SDHAF3: variants seen among roughly 807,000 people sequenced by gnomAD.
SDHAF3 encodes the protein succinate dehydrogenase assembly factor 3, mitochondrial.
Under a neutral mutation model 11.5 loss-of-function variants are expected in SDHAF3, and 18 were observed. The ratio of observed to expected loss-of-function variants is 1.56; its 90% CI spans 1.08 to 2.32. The LOEUF (loss-of-function observed/expected upper bound fraction) is 2.32, where lower values mean the gene tolerates loss of function less well. Ranked by LOEUF, SDHAF3 falls within the 30% of genes most tolerant of loss-of-function variation. The pLI is 0.00. For missense variants in SDHAF3, 200 were observed against 154.4 expected, an observed-to-expected ratio of 1.30 and a Z score of -1.57; for synonymous variants, 72 against 59.3, an observed-to-expected ratio of 1.21 and a Z score of -0.99.
chr7:97,161,490 T>C (rs1400983969), intron 1 of SDHAF3, among the ~76,000 whole-genome samples: 4 of 152,200 alleles, frequency 2.6e-5, no homozygotes, highest in Admixed American at 6.5e-5. Context: ...ATGTGCAGTT[T>C]TGTTACATAG....
chr7:97,120,006 A>G (rs547228421), intron 1 of SDHAF3, among the ~76,000 whole-genome samples: 2 of 152,128 alleles, frequency 1.3e-5, no homozygotes, highest in East Asian at 1.9e-4. Flanking sequence ...TGGTGTCTCT[A>G]CTGTAAACTT....
chr7:97,163,851 G>A (rs566241126), intron 1 of SDHAF3, among the ~76,000 whole-genome samples: 1 of 152,070 alleles, frequency 6.6e-6, no homozygotes, highest in East Asian at 1.9e-4. Context: ...AGGCCTGGTG[G>A]TGACAAAATC....
chr7:97,126,112 G>T (rs1456258119), intron 1 of SDHAF3, among the ~76,000 whole-genome samples: 3 of 152,176 alleles, frequency 2.0e-5, no homozygotes, highest in Non-Finnish European at 4.4e-5. Flanking sequence ...CTATTTGCCT[G>T]GGTATTACCA....
intron 1 of SDHAF3, among the ~76,000 whole-genome samples, chr7:97,145,970 A>G (rs1024199099): frequency 3.9e-5 from 6 of 152,134 alleles, no homozygotes; most frequent in African/African-American, 9.7e-5. Flanking sequence ...TTACTACAAT[A>G]AAATATATTT....
At chr7:97,123,730 A>G (rs1032422211) in intron 1 of SDHAF3, among the ~76,000 whole-genome samples, 1 of 148,244 alleles carries the variant, frequency 6.7e-6, no homozygotes, top group Admixed American at 6.7e-5. Context: ...TTTGATTTAC[A>G]TTTCTCTAAT....
chr7:97,147,057 G>A (rs1033178958), intron 1 of SDHAF3, among the ~76,000 whole-genome samples: 1 of 152,066 alleles, frequency 6.6e-6, no homozygotes, highest in African/African-American at 2.4e-5. Flanking sequence ...TACTCTTATT[G>A]TCTCCATTTA....
intron 1 of SDHAF3, among the ~76,000 whole-genome samples, chr7:97,175,223 A>G (rs538664613): frequency 8.5e-5 from 13 of 152,220 alleles, no homozygotes; most frequent in Non-Finnish European, 1.6e-4. Flanking sequence ...AAGTAATTTA[A>G]GATAATTTAT....
intron 1 of SDHAF3, among the ~76,000 whole-genome samples, chr7:97,156,541 T>C (rs1789303525): frequency 6.6e-6 from 1 of 152,176 alleles, no homozygotes; most frequent in African/African-American, 2.4e-5. Context: ...GTTAGTTTAA[T>C]TAAACTAGAT....
chr7:97,121,116 A>G (rs1007863955), intron 1 of SDHAF3, among the ~76,000 whole-genome samples: 1 of 152,360 alleles, frequency 6.6e-6, no homozygotes, highest in African/African-American at 2.4e-5. Context: ...TAAAATGTGC[A>G]TTGTAATCTC....
chr7:97,161,179 G>C (rs1789404307), intron 1 of SDHAF3, among the ~76,000 whole-genome samples: 1 of 152,168 alleles, frequency 6.6e-6, no homozygotes, highest in South Asian at 2.1e-4. Context: ...TATTTTGCCT[G>C]TCTGTAGGCT....
intron 1 of SDHAF3, among the ~76,000 whole-genome samples, chr7:97,148,008 A>G (rs1252614915): frequency 1.3e-5 from 2 of 151,906 alleles, no homozygotes; most frequent in Non-Finnish European, 2.9e-5. Context: ...GGTTCAAGCA[A>G]TTCTCATACC....
intron 1 of SDHAF3, among the ~76,000 whole-genome samples, chr7:97,149,066 A>T (rs752393599): frequency 1.1e-4 from 17 of 151,882 alleles, no homozygotes; most frequent in Admixed American, 7.9e-4. Flanking sequence ...AGTAGCTGGG[A>T]CTACAGGCGT....
At chr7:97,135,181 G>C (rs1289684098) in intron 1 of SDHAF3, 1 of 151,782 alleles carries the variant, frequency 6.6e-6, no homozygotes, top group Non-Finnish European at 1.5e-5. Flanking sequence ...ATTATTGTAA[G>C]GCTGCTTTTT....
chr7:97,141,264 G>T (rs1438438214), intron 1 of SDHAF3, among the ~76,000 whole-genome samples: 1 of 152,086 alleles, frequency 6.6e-6, no homozygotes, highest in African/African-American at 2.4e-5. Flanking sequence ...CCAGTTCTGT[G>T]GTCCTGTGAT....
chr7:97,173,085 T>C (rs958441949), intron 1 of SDHAF3, among the ~76,000 whole-genome samples: 1 of 152,184 alleles, frequency 6.6e-6, no homozygotes, highest in Non-Finnish European at 1.5e-5. Context: ...CATGCTCCTG[T>C]AAGAATCTAA....
intron 1 of SDHAF3, among the ~76,000 whole-genome samples, chr7:97,179,899 T>C (rs1187022138): frequency 6.6e-6 from 1 of 152,254 alleles, no homozygotes; most frequent in African/African-American, 2.4e-5. Context: ...GCTCTGGCAA[T>C]GCTGCCATTC....
chr7:97,160,750 T>G (rs1185251838), intron 1 of SDHAF3, among the ~76,000 whole-genome samples: 2 of 152,230 alleles, frequency 1.3e-5, no homozygotes, highest in African/African-American at 2.4e-5. Context: ...ATGCTGAAGC[T>G]CTGGAACATA....
chr7:97,147,703 A>T (rs974580074), intron 1 of SDHAF3, among the ~76,000 whole-genome samples: 2 of 152,166 alleles, frequency 1.3e-5, no homozygotes, highest in Non-Finnish European at 2.9e-5. Flanking sequence ...CCAAGTGTCA[A>T]TTTGACAGCA....
intron 1 of SDHAF3, among the ~76,000 whole-genome samples, chr7:97,158,383 A>T (rs1397120440): frequency 1.3e-5 from 2 of 152,192 alleles, no homozygotes; most frequent in Non-Finnish European, 2.9e-5. Context: ...GCTGGAGTGC[A>T]GTGGCACAAT....
Sources: gnomAD v4.1 joint callset for allele counts (sites outside exome capture counted in the v4.1 genomes callset) on GRCh38, gnomAD v4.1.1 for gene constraint, MANE v1.5 for transcripts, NCBI Gene and HGNC (gene_info 2026-07-23, HGNC 2026-07-21) for gene names.